The following ST6GALNAC3 variants were observed in gnomAD, a reference collection of about 807,000 sequenced individuals.
The protein encoded by ST6GALNAC3 is ST6 N-acetylgalactosaminide alpha-2,6-sialyltransferase 3, also known as alpha-N-acetylgalactosaminide alpha-2,6-sialyltransferase 3.
A neutral mutation model predicts 32.7 loss-of-function variants in ST6GALNAC3; 25 were observed. That is an observed-to-expected ratio of 0.76 (90% confidence interval 0.56 to 1.07). The LOEUF (loss-of-function observed/expected upper bound fraction) is 1.07. Among genes scored for constraint, ST6GALNAC3 ranks in the 50% least tolerant of loss-of-function variants. The pLI is 0.00. For synonymous variants in ST6GALNAC3, 129 were observed against 133.1 expected, an observed-to-expected ratio of 0.97 and a Z score of 0.21; for missense variants, 355 against 382.4, an observed-to-expected ratio of 0.93 and a Z score of 0.60.
intron 2 of ST6GALNAC3, among the ~76,000 whole-genome samples, chr1:76,340,372 G>A (rs1233965410): frequency 6.6e-6 from 1 of 152,220 alleles, no homozygotes; most frequent in Non-Finnish European, 1.5e-5. Flanking sequence ...CCTTCAAGGG[G>A]CAGGGACATC....
At chr1:76,206,847 C>G (rs947949104) in intron 1 of ST6GALNAC3, among the ~76,000 whole-genome samples, 1 of 152,094 alleles carries the variant, frequency 6.6e-6, no homozygotes, top group East Asian at 1.9e-4. Context: ...TGATAACTTC[C>G]AGCAAAACAA....
chr1:76,116,199 T>C (rs1327681111), intron 1 of ST6GALNAC3, among the ~76,000 whole-genome samples: 1 of 151,850 alleles, frequency 6.6e-6, no homozygotes, highest in Non-Finnish European at 1.5e-5. Flanking sequence ...GCATCTGTCA[T>C]TGAAGAGAAT....
chr1:76,427,598 G>GT (rs146258290), intron 3 of ST6GALNAC3, among the ~76,000 whole-genome samples: 3,995 of 152,142 alleles, frequency 0.026, 65 homozygotes, highest in African/African-American at 0.045. Flanking sequence ...TCTTGGGGAG[G>GT]GACACTGGTC....
rs548979031 is a variant in ST6GALNAC3, at chr1:76,124,895, A to G, written c.18+50011A>G. Among the ~76,000 whole-genome samples the G allele has an allele frequency of 3.3e-5, 5 of 151,010 alleles. No homozygotes were observed. In the East Asian group the frequency reaches 9.6e-4, roughly 29 times the overall value. ...GTGGAGCATCTGAACCAGATGTGCTACAAGAGTAAGATACACACCAGATTA... is the reference window on the plus strand; with the variant it reads ...GTGGAGCATCTGAACCAGATGTGCTGCAAGAGTAAGATACACACCAGATTA... On this transcript the variant is annotated intron_variant, in intron 1 of 4. Coordinates refer to ENST00000328299, the MANE Select transcript of ST6GALNAC3 (RefSeq NM_152996.4).
At chr1:76,265,880 C>T (rs1658499476) in intron 1 of ST6GALNAC3, among the ~76,000 whole-genome samples, 1 of 152,142 alleles carries the variant, frequency 6.6e-6, no homozygotes, top group African/African-American at 2.4e-5. Context: ...TTCTTGTGCT[C>T]ATTCCCGCTC....
intron 1 of ST6GALNAC3, among the ~76,000 whole-genome samples, chr1:76,226,231 T>A (rs986311965): frequency 2.6e-5 from 4 of 152,214 alleles, no homozygotes; most frequent in African/African-American, 9.6e-5. Context: ...ATGTTTCTTC[T>A]GAAAAAGAGA....
intron 3 of ST6GALNAC3, among the ~76,000 whole-genome samples, chr1:76,422,989 A>G (rs1397373196): frequency 6.6e-6 from 1 of 152,000 alleles, no homozygotes; most frequent in African/African-American, 2.4e-5. Context: ...GTGATGCTTC[A>G]TCATTCTAGA....
intron 1 of ST6GALNAC3, among the ~76,000 whole-genome samples, chr1:76,299,731 A>C (rs1660618150): frequency 6.6e-6 from 1 of 152,028 alleles, no homozygotes; most frequent in Non-Finnish European, 1.5e-5. Flanking sequence ...GACTAACTTC[A>C]TATATATATT....
intron 1 of ST6GALNAC3, among the ~76,000 whole-genome samples, chr1:76,298,520 C>T (rs910677661): frequency 2.0e-5 from 3 of 151,992 alleles, no homozygotes; most frequent in Admixed American, 2.0e-4. Context: ...TAACTAAACC[C>T]GGATGGAACA....
At chr1:76,636,850 T>G (rs1208834225), downstream of ST6GALNAC3, 1 of 152,226 alleles carries the variant, frequency 6.6e-6, no homozygotes, top group Non-Finnish European at 1.5e-5. Flanking sequence ...AGCAATATAA[T>G]TAGAGAAGAG....
rs1438917629 is a variant in ST6GALNAC3, at chr1:76,525,791, G to GTGTGTATATATATA, written c.624-101660_624-101659insGTGTATATATATAT. 1.3e-3 allele frequency among the ~76,000 whole-genome samples: 99 copies of GTGTGTATATATATA among 75,526 alleles called. 1 individual carries two copies. Among genetic ancestry groups the GTGTGTATATATATA allele is most frequent in the Admixed American group, 2.2e-3 (13 of 5,840 alleles). The allele number at this position is 75,526 out of a possible 152,430, so 49.5% of individuals were successfully genotyped here. ...TGTGTTTGTGTGTGTGTGTGTGTGT[G>GTGTGTATATATATA]TATATATATATATATATATATATAT... On this transcript the variant is annotated intron_variant, in intron 3 of 4. Coordinates refer to ENST00000328299, the MANE Select transcript of ST6GALNAC3 (RefSeq NM_152996.4).
chr1:76,074,774 T>C lies in ST6GALNAC3; in HGVS notation c.-93T>C. On this transcript the variant is annotated 5_prime_UTR_variant, in exon 1 of 5. Transcript: ENST00000328299. ...TCTGCGGGAATGTGGGCTGGAGAGG[T>C]CCTGCCGTGGTACCAGCCTCCAGCC... The C allele has an allele frequency of 1.4e-6, 2 of 1,413,598 alleles. No homozygotes were observed. Among genetic ancestry groups the C allele is most frequent in the Non-Finnish European group, 1.9e-6 (2 of 1,033,692 alleles). The allele number at this position is 1,413,598 out of a possible 1,614,324, so 87.6% of individuals were successfully genotyped here. A position where few individuals can be genotyped will look rare whatever the true frequency, so the allele number is the denominator to read the frequency against.
chr1:76,554,491 G>A (rs1664807050), intron 3 of ST6GALNAC3, among the ~76,000 whole-genome samples: 1 of 135,130 alleles, frequency 7.4e-6, no homozygotes, highest in Non-Finnish European at 1.6e-5. Context: ...TCTTGATAGA[G>A]CAAGTGTGTT....
intron 1 of ST6GALNAC3, among the ~76,000 whole-genome samples, chr1:76,132,878 G>T (rs1327573566): frequency 6.6e-6 from 1 of 152,152 alleles, no homozygotes; most frequent in Admixed American, 6.5e-5. Flanking sequence ...CATACAGCCA[G>T]GTGTCAATGG....
At chr1:76,374,449 G>GA (rs1186930141) in intron 2 of ST6GALNAC3, among the ~76,000 whole-genome samples, 1 of 152,120 alleles carries the variant, frequency 6.6e-6, no homozygotes, top group East Asian at 1.9e-4. Flanking sequence ...ACCGGAAGAG[G>GA]AAAAACCAAA....
chr1:76,409,470 T>C (rs1282251982), intron 2 of ST6GALNAC3, among the ~76,000 whole-genome samples: 3 of 152,100 alleles, frequency 2.0e-5, no homozygotes, highest in Admixed American at 2.0e-4. Context: ...TAAGTTAATG[T>C]AATAACTGTT....
chr1:76,351,026 G>A (rs1363670763), intron 2 of ST6GALNAC3, among the ~76,000 whole-genome samples: 1 of 152,158 alleles, frequency 6.6e-6, no homozygotes, highest in Non-Finnish European at 1.5e-5. Flanking sequence ...GTGTTAAGAA[G>A]TAAGCCAGAT....
At position 76,282,056 on chromosome 1, in the gene ST6GALNAC3, A is replaced by T. The variant is rs187965643; in HGVS notation, c.19-31749A>T. Reference sequence around the variant, plus strand: ...ATTCCTAAATCAATGCCCTCAAGTCATCTAAAATGATTAGAAACAGTCTAT... The same window carrying T: ...ATTCCTAAATCAATGCCCTCAAGTCTTCTAAAATGATTAGAAACAGTCTAT... On this transcript the variant is annotated intron_variant, in intron 1 of 4. Transcript: ENST00000328299. Among the ~76,000 whole-genome samples, 56 of 152,290 alleles carry T rather than the reference A, an allele frequency of 3.7e-4. No individual in the cohort carries two copies. In the South Asian group the frequency reaches 9.3e-3, roughly 25 times the overall value.
chr1:76,397,057 A>G (rs1486094655), intron 2 of ST6GALNAC3, among the ~76,000 whole-genome samples: 1 of 152,202 alleles, frequency 6.6e-6, no homozygotes, highest in Non-Finnish European at 1.5e-5. Flanking sequence ...CATAATATCT[A>G]GAAGAAGATT....
Sources: gnomAD v4.1 joint callset for allele counts (sites outside exome capture counted in the v4.1 genomes callset) on GRCh38, gnomAD v4.1.1 for gene constraint, MANE v1.5 for transcripts, NCBI Gene and HGNC (gene_info 2026-07-23, HGNC 2026-07-21) for gene names.